PHOSPHO2: variants seen among roughly 807,000 people sequenced by gnomAD.
PHOSPHO2 encodes the protein pyridoxal phosphate phosphatase PHOSPHO2.
PHOSPHO2 carries 14 observed loss-of-function variants against 16.4 expected under a neutral mutation model. That is an observed-to-expected ratio of 0.85 (90% CI 0.56 to 1.33). PHOSPHO2 has a LOEUF of 1.33. Ranked by LOEUF, PHOSPHO2 falls within the 40% of genes most tolerant of loss-of-function variation. The pLI is 0.00. For missense variants in PHOSPHO2, 246 were observed against 282.5 expected, an observed-to-expected ratio of 0.87 and a Z score of 0.93; for synonymous variants, 85 against 90.5, an observed-to-expected ratio of 0.94 and a Z score of 0.34.
At chr2:169,699,868 A>T (rs1438826347) in intron 3 of PHOSPHO2, among the ~76,000 whole-genome samples, 1 of 151,618 alleles carries the variant, frequency 6.6e-6, no homozygotes, top group Non-Finnish European at 1.5e-5. Flanking sequence ...CCCACTTCTT[A>T]ATGGGGCTGT....
intron 2 of PHOSPHO2, among the ~76,000 whole-genome samples, chr2:169,696,883 A>ACTTATTTTCACATAACATTT (rs1687558213): frequency 6.6e-6 from 1 of 152,184 alleles, no homozygotes; most frequent in African/African-American, 2.4e-5. Context: ...CTGGACAAAA[A>ACTTATTTTCACATAACATTT]CTTATTTTCA....
chr2:169,697,862 T>C (rs541957646), intron 3 of PHOSPHO2: 1 of 152,320 alleles, frequency 6.6e-6, no homozygotes, highest in African/African-American at 2.4e-5. Context: ...ATTGTTTCTG[T>C]AGGAAAGTGA....
At chr2:169,699,020 T>G (rs1365663390) in intron 3 of PHOSPHO2, among the ~76,000 whole-genome samples, 1 of 152,218 alleles carries the variant, frequency 6.6e-6, no homozygotes, top group Non-Finnish European at 1.5e-5. Flanking sequence ...TTTTTTTGAT[T>G]TCCACCTTTT....
At chr2:169,694,820 C>T (rs1010495430) in intron 1 of PHOSPHO2, 198 bp downstream of exon 1, 8 of 196,680 alleles carry the variant, frequency 4.1e-5, no homozygotes, top group African/African-American at 1.9e-4. Context: ...GAGCAAAGCC[C>T]TCCCTTAACT....
chr2:169,700,308 T>C (rs903837267), intron 3 of PHOSPHO2, among the ~76,000 whole-genome samples: 1 of 152,096 alleles, frequency 6.6e-6, no homozygotes, highest in African/African-American at 2.4e-5. Context: ...TTCTTCTAGG[T>C]TTTTTATAGT....
intron 3 of PHOSPHO2, among the ~76,000 whole-genome samples, chr2:169,699,365 A>AT (rs1687665826): frequency 6.6e-6 from 1 of 152,102 alleles, no homozygotes; most frequent in Non-Finnish European, 1.5e-5. Context: ...ATTCCTTTTT[A>AT]TAGCTGCATA....
At chr2:169,694,746 G>T (rs1687447045) in intron 1 of PHOSPHO2, 124 bp downstream of exon 1, 1 of 296,206 alleles carries the variant, frequency 3.4e-6, no homozygotes, top group Non-Finnish European at 6.7e-6. Flanking sequence ...CGGCAGGTGT[G>T]TGAGCGCGCG....
intron 2 of PHOSPHO2, among the ~76,000 whole-genome samples, chr2:169,695,765 G>A (rs1344328032): frequency 6.6e-6 from 1 of 152,184 alleles, no homozygotes; most frequent in Non-Finnish European, 1.5e-5. Flanking sequence ...ACTCCCAGCA[G>A]TAGCCAGTAA....
In PHOSPHO2 at chr2:169,701,507, A is replaced by G. The variant is rs759339763; in HGVS notation, c.536A>G (p.Asp179Gly). 13 of 1,613,630 alleles carry G rather than the reference A, an allele frequency of 8.1e-6. No homozygotes were observed. The South Asian group carries it at 1.2e-4, about 15-fold the overall frequency. Residue 179 changes from aspartate to glycine, a missense_variant, in exon 4 of 4, where the codon GAT (aspartate) becomes GGT (glycine). Coordinates refer to ENST00000359744, the MANE Select transcript of PHOSPHO2 (RefSeq NM_001008489.4). ...TATACACAAATTGTTTATATTGGTG[A>G]TGGTGGAAATGATGTCTGTCCAGTC... ...VNYTQIVYIG[D>G]GGNDVCPVTF...
intron 3 of PHOSPHO2, among the ~76,000 whole-genome samples, chr2:169,700,354 A>C (rs1269440416): frequency 6.6e-6 from 1 of 151,110 alleles, no homozygotes; most frequent in Non-Finnish European, 1.5e-5. Context: ...ATCCACCTTG[A>C]GTTGATTTTT....
rs1364869435 is a variant in PHOSPHO2 at position 169,700,956 on chromosome 2, A to G, written c.-16A>G. 4 of 1,577,196 alleles carry G rather than the reference A, an allele frequency of 2.5e-6. No individual in the cohort carries two copies. The highest frequency in any genetic ancestry group is 3.4e-4 in the Middle Eastern group (2 of 5,852). On this transcript the variant is annotated 5_prime_UTR_variant, in exon 4 of 4. Transcript: ENST00000359744. ...TTTCTTCTTTTTCAGGGTAATCCAAATCTATTTCTGGAACCATGAAAATTT... is the reference window on the plus strand; with the variant it reads ...TTTCTTCTTTTTCAGGGTAATCCAAGTCTATTTCTGGAACCATGAAAATTT...
intron 3 of PHOSPHO2, among the ~76,000 whole-genome samples, chr2:169,699,423 T>C (rs1411516059): frequency 6.6e-6 from 1 of 152,216 alleles, no homozygotes; most frequent in Non-Finnish European, 1.5e-5. Flanking sequence ...CAGTCTGTCA[T>C]TGATGGGCAT....
At chr2:169,695,997 A>G (rs1232430066) in intron 2 of PHOSPHO2, among the ~76,000 whole-genome samples, 1 of 152,232 alleles carries the variant, frequency 6.6e-6, no homozygotes, top group African/African-American at 2.4e-5. Context: ...GCAGTCAGTA[A>G]GACATGCAGA....
intron 3 of PHOSPHO2, among the ~76,000 whole-genome samples, chr2:169,698,660 G>C (rs1311834815): frequency 1.3e-5 from 2 of 152,008 alleles, no homozygotes; most frequent in African/African-American, 2.4e-5. Flanking sequence ...TATAAATAAT[G>C]TTTATTCTTA....
chr2:169,694,600 G>A lies in PHOSPHO2; in HGVS notation c.-253G>A, dbSNP rs1031264104. 9 of 552,304 alleles carry A rather than the reference G, an allele frequency of 1.6e-5. No individual in the cohort carries two copies. Among genetic ancestry groups the A allele is most frequent in the Admixed American group, 3.1e-5 (1 of 32,444 alleles). 34.2% of individuals were successfully genotyped at this position (552,304 alleles called of 1,614,324 possible). ...CCGCAGGAGCGTCACGGGCGCCGGG[G>A]CGGCTGCCGACGGCGGGACTGGGTC... On this transcript the variant is annotated 5_prime_UTR_variant, in exon 1 of 4. Coordinates refer to ENST00000359744, the MANE Select transcript of PHOSPHO2 (RefSeq NM_001008489.4).
In PHOSPHO2 at chr2:169,701,483, A is replaced by G. The variant is rs772747278; in HGVS notation, c.512A>G (p.Tyr171Cys). 6 of 1,612,838 alleles carry G rather than the reference A, an allele frequency of 3.7e-6. No homozygotes were observed. The East Asian group carries it at 1.1e-4, about 30-fold the overall frequency. ...AAACAGTTACAACAGGGAGTGAATT[A>G]TACACAAATTGTTTATATTGGTGAT... ...VDKQLQQGVN[Y>C]TQIVYIGDGG... Residue 171 changes from tyrosine to cysteine, a missense_variant, in exon 4 of 4, where the codon TAT becomes TGT. By Grantham distance (194) the Tyr-to-Cys change is radical. Coordinates refer to ENST00000359744, the MANE Select transcript of PHOSPHO2 (RefSeq NM_001008489.4).
intron 2 of PHOSPHO2, 97 bp downstream of exon 2, chr2:169,695,344 C>T (rs529849993): frequency 6.6e-6 from 1 of 152,278 alleles, no homozygotes; most frequent in Non-Finnish European, 1.5e-5. Context: ...TAAAAAGTGT[C>T]AAGAACTGGG....
chr2:169,700,334 TAA>T (rs1687708325), intron 3 of PHOSPHO2, among the ~76,000 whole-genome samples: 1 of 152,202 alleles, frequency 6.6e-6, no homozygotes, highest in South Asian at 2.1e-4. Flanking sequence ...GTTTTACACT[TAA>T]GTCTTTAATC....
chr2:169,699,081 G>A (rs10930366), intron 3 of PHOSPHO2, among the ~76,000 whole-genome samples: 61,571 of 151,404 alleles, frequency 0.41, 12,732 homozygotes, highest in Non-Finnish European at 0.44. Context: ...ATAGGTAAGT[G>A]TGTGCCCTGA....
Sources: gnomAD v4.1 joint callset for allele counts (sites outside exome capture counted in the v4.1 genomes callset) on GRCh38, gnomAD v4.1.1 for gene constraint, MANE v1.5 for transcripts, NCBI Gene and HGNC (gene_info 2026-07-23, HGNC 2026-07-21) for gene names.